DGCR2: variants seen among roughly 807,000 people sequenced by gnomAD.
DGCR2 encodes integral membrane protein DGCR2/IDD.
In DGCR2, 24 loss-of-function variants were observed where a neutral mutation model predicts 51.6. The observed-to-expected ratio is 0.47, with a 90% confidence interval of 0.34 to 0.65. DGCR2 has a LOEUF of 0.65. Ranked by LOEUF, DGCR2 falls within the 30% of genes least tolerant of loss-of-function variation. DGCR2 has a pLI of 0.01. For missense variants in DGCR2, 765 were observed against 772.1 expected (o/e 0.99, Z 0.11); for synonymous variants, 340 against 315.4 (o/e 1.08, Z -0.82).
At chr22:19,102,960 T>C (rs114862337) in intron 1 of DGCR2, among the ~76,000 whole-genome samples, 128 of 152,240 alleles carry the variant, frequency 8.4e-4, no homozygotes, top group African/African-American at 3.0e-3. Context: ...GAGTTATGAT[T>C]TGATTGCACC....
intron 1 of DGCR2, among the ~76,000 whole-genome samples, chr22:19,108,383 C>T (rs1486766569): frequency 1.3e-5 from 2 of 151,740 alleles, no homozygotes. Context: ...CCAGCTTGGG[C>T]AACACAGGGA....
At chr22:19,077,832 CT>C (rs141485718) in intron 2 of DGCR2, among the ~76,000 whole-genome samples, 260 of 143,340 alleles carry the variant, frequency 1.8e-3, no homozygotes, top group Admixed American at 1.9e-3. Context: ...TTATTTTTGT[CT>C]TTTTTTTTTT....
Position 19,122,185 on chromosome 22 carries a change from C to A in DGCR2, c.22G>T (p.Gly8Cys). Residue 8 changes from glycine (G) to cysteine (C), a missense_variant, in exon 1 of 10, where the codon GGC becomes TGC. Around this residue, in one of 3 missense-constraint regions of DGCR2, gnomAD observed 370 missense variants for 325.5 expected, o/e 1.14. Coordinates refer to ENST00000263196, the MANE Select transcript of DGCR2 (RefSeq NM_005137.3). The part of the protein sequence containing the change: MVPKADS[G>C]AFLLLFLLVL... ...AGCAGGAAGAGCAGCAGGAAGGCGCCGCTGTCTGCCTTGGGCACCATTTAT... is the reference window on the plus strand; with the variant it reads ...AGCAGGAAGAGCAGCAGGAAGGCGCAGCTGTCTGCCTTGGGCACCATTTAT... 1 of 1,510,854 alleles carries A rather than the reference C, an allele frequency of 6.6e-7. No individual in the cohort carries two copies. The highest frequency in any genetic ancestry group is 1.2e-5 in the South Asian group (1 of 80,566). The allele number at this position is 1,510,854 out of a possible 1,614,324, so 93.6% of individuals were successfully genotyped here.
At chr22:19,060,607 G>T in intron 5 of DGCR2, 1 of 209,010 alleles carries the variant, frequency 4.8e-6, no homozygotes, top group South Asian at 5.9e-5. Flanking sequence ...GAAGGCCCTG[G>T]GAGCAGCACG....
At chr22:19,103,325 C>G (rs2083224625) in intron 1 of DGCR2, among the ~76,000 whole-genome samples, 1 of 148,574 alleles carries the variant, frequency 6.7e-6, no homozygotes, top group Non-Finnish European at 1.5e-5. Flanking sequence ...GTGGTGCTGG[C>G]TGCACAACAT....
intron 7 of DGCR2, 102 bp downstream of exon 7, chr22:19,048,338 C>T: frequency 7.9e-7 from 1 of 1,266,500 alleles, no homozygotes; most frequent in Admixed American, 1.8e-5. Flanking sequence ...CGCGATGCTC[C>T]ATAAACTCTC....
chr22:19,095,302 C>T lies in DGCR2; in HGVS notation c.80-5812G>A, dbSNP rs534820663. Among the ~76,000 whole-genome samples the T allele has an allele frequency of 2.6e-5, 4 of 152,146 alleles. No individual in the cohort carries two copies. In the South Asian group the frequency reaches 6.2e-4, roughly 24 times the overall value. ...GCTTGAACTTGGGAGGCAGAGGTTG[C>T]AGTGAGTCGAAATCACGCCACTGCT... On this transcript the variant is annotated intron_variant, in intron 1 of 9. Transcript: ENST00000263196.
intron 1 of DGCR2, among the ~76,000 whole-genome samples, chr22:19,119,340 T>C (rs973759122): frequency 6.6e-6 from 1 of 152,150 alleles, no homozygotes. Context: ...TAAATGAGGC[T>C]AAAAACAGCA....
intron 5 of DGCR2, among the ~76,000 whole-genome samples, chr22:19,059,785 A>G (rs2082641006): frequency 6.6e-6 from 1 of 152,076 alleles, no homozygotes; most frequent in Non-Finnish European, 1.5e-5. Context: ...ACACGAGGGC[A>G]TCTGAACCTG....
intron 2 of DGCR2, among the ~76,000 whole-genome samples, chr22:19,083,697 C>T (rs1312687242): frequency 4.0e-5 from 4 of 99,756 alleles, no homozygotes; most frequent in Non-Finnish European, 8.3e-5. Flanking sequence ...CCTCTCCCCC[C>T]TCCCCCTCCC....
chr22:19,091,776 A>C (rs951786318), intron 1 of DGCR2, among the ~76,000 whole-genome samples: 2 of 151,340 alleles, frequency 1.3e-5, no homozygotes, highest in Admixed American at 1.3e-4. Context: ...CATGGTGAAT[A>C]CTAAAATACA....
chr22:19,113,693 G>T (rs1284001919), intron 1 of DGCR2, among the ~76,000 whole-genome samples: 2 of 152,072 alleles, frequency 1.3e-5, no homozygotes, highest in Non-Finnish European at 2.9e-5. Context: ...CAGGTGAAGG[G>T]GTTTCCACTT....
At chr22:19,104,333 T>C (rs2083239214) in intron 1 of DGCR2, among the ~76,000 whole-genome samples, 2 of 152,140 alleles carry the variant, frequency 1.3e-5, no homozygotes, top group Admixed American at 1.3e-4. Context: ...ATACAAATTC[T>C]TTCTCTAGAT....
At chr22:19,086,274 G>A (rs993576921) in intron 2 of DGCR2, among the ~76,000 whole-genome samples, 15 of 151,938 alleles carry the variant, frequency 9.9e-5, no homozygotes, top group African/African-American at 3.6e-4. Context: ...TCAGGAGATC[G>A]AGACGATCCT....
At chr22:19,099,534 G>A (rs533141195) in intron 1 of DGCR2, among the ~76,000 whole-genome samples, 4 of 152,020 alleles carry the variant, frequency 2.6e-5, no homozygotes, top group African/African-American at 7.3e-5. Flanking sequence ...AGTGAGTCAC[G>A]ATCACACCAC....
chr22:19,039,780 C>G (rs1445435936), intron 9 of DGCR2, among the ~76,000 whole-genome samples: 1 of 152,140 alleles, frequency 6.6e-6, no homozygotes, highest in Non-Finnish European at 1.5e-5. Flanking sequence ...AGTGACGTGA[C>G]CATGGCTCAT....
At chr22:19,099,708 C>T (rs58648203) in intron 1 of DGCR2, among the ~76,000 whole-genome samples, 2,253 of 152,052 alleles carry the variant, frequency 0.015, 27 homozygotes, top group African/African-American at 0.017. Flanking sequence ...TGGTGGCTCA[C>T]GCCTGTAATC....
chr22:19,039,290 G>A (rs1378559725), intron 9 of DGCR2, among the ~76,000 whole-genome samples, 169 bp from the exon 10 acceptor site: 2 of 152,090 alleles, frequency 1.3e-5, no homozygotes, highest in Non-Finnish European at 2.9e-5. Context: ...TGAAGGAGGA[G>A]CCTGCCCCAC....
intron 1 of DGCR2, among the ~76,000 whole-genome samples, chr22:19,102,809 C>G (rs764883632): frequency 6.6e-6 from 1 of 152,100 alleles, no homozygotes; most frequent in Non-Finnish European, 1.5e-5. Flanking sequence ...AGTTTGAGAC[C>G]ACCCCAGACA....
Sources: allele counts gnomAD v4.1 joint callset (sites outside exome capture counted in the v4.1 genomes callset), GRCh38; gene constraint gnomAD v4.1.1; regional missense constraint gnomAD v4.1.1; transcripts MANE v1.5; gene names NCBI Gene and HGNC (gene_info 2026-07-23, HGNC 2026-07-21).